ALMS1: variants seen among roughly 807,000 people sequenced by gnomAD.
ALMS1 encodes the protein ALMS1 centrosome and basal body associated protein.
A neutral mutation model predicts 352.2 loss-of-function variants in ALMS1; 271 were observed. The observed-to-expected ratio is 0.77, with a 90% CI of 0.70 to 0.85. ALMS1 has a LOEUF of 0.85. ALMS1 is among the 40% of genes least tolerant of loss of function. The pLI, the probability that ALMS1 is intolerant of heterozygous loss-of-function variation, is 0.00. For synonymous variants in ALMS1, 1,865 were observed against 1,761.2 expected, an observed-to-expected ratio of 1.06 and a Z score of -1.48; for missense variants, 5,445 against 4,870.7, an observed-to-expected ratio of 1.12 and a Z score of -3.51.
At chr2:73,581,271 A>G (rs1464646222) in intron 16 of ALMS1, among the ~76,000 whole-genome samples, 2 of 152,202 alleles carry the variant, frequency 1.3e-5, no homozygotes, top group Non-Finnish European at 2.9e-5. Context: ...CTTCCCCTAT[A>G]AAACTACTTT....
chr2:73,404,522 G>A (rs1228165489), intron 1 of ALMS1, among the ~76,000 whole-genome samples: 2 of 151,252 alleles, frequency 1.3e-5, no homozygotes, highest in Non-Finnish European at 2.9e-5. Context: ...GTGCTATTTC[G>A]GTTTCATTTG....
At chr2:73,508,399 G>T (rs1049749873) in intron 10 of ALMS1, among the ~76,000 whole-genome samples, 6 of 151,662 alleles carry the variant, frequency 4.0e-5, no homozygotes, top group Non-Finnish European at 7.4e-5. Flanking sequence ...TAGAGACAGG[G>T]TTTCACTGTG....
At position 73,602,375 on chromosome 2, in the gene ALMS1, C is replaced by G. The variant is rs1252100215; in HGVS notation, c.12298+7C>G. 6 of 1,614,034 alleles carry G rather than the reference C, an allele frequency of 3.7e-6. No homozygotes were observed. Among genetic ancestry groups the G allele is most frequent in the Non-Finnish European group, 5.1e-6 (6 of 1,179,974 alleles). ...TGCCCGCTGCCCAAGAGAGGTACGC[C>G]CTGCCCGTTCACTTTCCTGTGAGTG... On this transcript the variant is annotated splice_region_variant and intron_variant, in intron 20 of 22. Coordinates refer to ENST00000613296, the MANE Select transcript of ALMS1 (RefSeq NM_001378454.1).
At chr2:73,575,203 T>G (rs1227034274) in intron 16 of ALMS1, among the ~76,000 whole-genome samples, 1 of 152,218 alleles carries the variant, frequency 6.6e-6, no homozygotes, top group Non-Finnish European at 1.5e-5. Context: ...TTTTGGTTAT[T>G]GTGAATAGAA....
intron 10 of ALMS1, among the ~76,000 whole-genome samples, chr2:73,494,767 A>C (rs908709461): frequency 2.0e-5 from 3 of 152,218 alleles, no homozygotes; most frequent in Non-Finnish European, 4.4e-5. Context: ...TCACTTGGCT[A>C]AAGTGGTATC....
intron 16 of ALMS1, among the ~76,000 whole-genome samples, chr2:73,596,723 G>A (rs1398126499): frequency 2.0e-5 from 3 of 151,940 alleles, no homozygotes; most frequent in Non-Finnish European, 4.4e-5. Flanking sequence ...GCCTGCCTTG[G>A]CCTCCCAAAG....
rs1159133494 is a variant in ALMS1, at chr2:73,448,580, G to A, written c.2053G>A (p.Asp685Asn). The change falls in exon 8 of 23, where the codon GAT (aspartate) becomes AAT (asparagine). Residue 685 changes from aspartate (D) to asparagine (N), a missense_variant. Transcript: ENST00000613296. Reference protein sequence around the residue: ...LLFFYRQTLPDGHLTDQALKV... With the variant: ...LLFFYRQTLPNGHLTDQALKV... ...CTTTTTCTATCGACAGACCTTGCCA[G>A]ATGGTCATCTAACTGATCAGGCTCT... 5 of 1,613,936 alleles carry A rather than the reference G, an allele frequency of 3.1e-6. No individual in the cohort carries two copies. The highest frequency in any genetic ancestry group is 8.5e-7 in the Non-Finnish European group (1 of 1,179,958).
At chr2:73,390,242 A>C (rs370285060) in intron 1 of ALMS1, among the ~76,000 whole-genome samples, 7 of 152,294 alleles carry the variant, frequency 4.6e-5, no homozygotes, top group Admixed American at 6.5e-5. Flanking sequence ...ATAGGTTGGA[A>C]AGTGTTTAAG....
intron 12 of ALMS1, among the ~76,000 whole-genome samples, chr2:73,547,851 C>A (rs187556216): frequency 6.6e-6 from 1 of 152,002 alleles, no homozygotes; most frequent in Non-Finnish European, 1.5e-5. Flanking sequence ...TTAGACAGTA[C>A]CAGAGATGGT....
intron 9 of ALMS1, among the ~76,000 whole-genome samples, chr2:73,464,514 C>G (rs1158545662): frequency 6.6e-6 from 1 of 152,204 alleles, no homozygotes; most frequent in African/African-American, 2.4e-5. Flanking sequence ...AAACTGGAAG[C>G]ATTCCCTTTG....
At chr2:73,546,453 A>G (rs1212902900) in intron 12 of ALMS1, among the ~76,000 whole-genome samples, 2 of 152,214 alleles carry the variant, frequency 1.3e-5, no homozygotes, top group African/African-American at 4.8e-5. Context: ...ACGCAGATAC[A>G]CTGTGGTAGG....
intron 1 of ALMS1, among the ~76,000 whole-genome samples, chr2:73,404,039 A>G (rs1670925037): frequency 6.6e-6 from 1 of 152,140 alleles, no homozygotes; most frequent in Non-Finnish European, 1.5e-5. Flanking sequence ...AGCTAGGACT[A>G]CAGGCGCGCT....
At chr2:73,463,757 A>C (rs1309907579) in intron 9 of ALMS1, among the ~76,000 whole-genome samples, 1 of 141,780 alleles carries the variant, frequency 7.1e-6, no homozygotes, top group Non-Finnish European at 1.5e-5. Flanking sequence ...AAAATGATAA[A>C]GGGGATATCA....
chr2:73,564,848 TG>T, intron 15 of ALMS1, among the ~76,000 whole-genome samples: 1 of 152,322 alleles, frequency 6.6e-6, no homozygotes, highest in East Asian at 1.9e-4. Context: ...ATAATGAGTT[TG>T]GGGAAAGAAG....
At chr2:73,523,248 C>G (rs1165610924) in intron 11 of ALMS1, among the ~76,000 whole-genome samples, 1 of 152,132 alleles carries the variant, frequency 6.6e-6, no homozygotes, top group Non-Finnish European at 1.5e-5. Flanking sequence ...AGCTTGCTCA[C>G]TTTATTTATT....
rs190077401 is a variant in ALMS1, at chr2:73,542,614, C to T, written c.9908-7653C>T. 6.6e-4 allele frequency among the ~76,000 whole-genome samples: 100 copies of T among 152,114 alleles called. 1 individual carries two copies. Among genetic ancestry groups the T allele is most frequent in the African/African-American group, 2.4e-3 (98 of 41,466 alleles). On this transcript the variant is annotated intron_variant, in intron 12 of 22. Transcript: ENST00000613296. ...TGACATGATTGTATATCTAGAAAACCCCATTGTCTCAGCCCAAAATCTCCT... is the reference window on the plus strand; with the variant it reads ...TGACATGATTGTATATCTAGAAAACTCCATTGTCTCAGCCCAAAATCTCCT...
At chr2:73,466,872 G>T (rs1389269044) in intron 9 of ALMS1, among the ~76,000 whole-genome samples, 2 of 152,070 alleles carry the variant, frequency 1.3e-5, no homozygotes, top group Non-Finnish European at 2.9e-5. Flanking sequence ...GTTAGAAGCT[G>T]CATAAATGGA....
chr2:73,569,283 G>A (rs1356608080), intron 15 of ALMS1, among the ~76,000 whole-genome samples: 1 of 151,784 alleles, frequency 6.6e-6, no homozygotes, highest in East Asian at 1.9e-4. Context: ...CCAAAGTGCT[G>A]GGATTACAGG....
At chr2:73,525,912 CT>C (rs1310991897) in intron 11 of ALMS1, among the ~76,000 whole-genome samples, 3 of 152,078 alleles carry the variant, frequency 2.0e-5, no homozygotes, top group African/African-American at 7.2e-5. Context: ...AGCTTGAGGT[CT>C]TAGATTTAAG....
Sources: gnomAD v4.1 joint callset for allele counts (sites outside exome capture counted in the v4.1 genomes callset) on GRCh38, gnomAD v4.1.1 for gene constraint, MANE v1.5 for transcripts, NCBI Gene and HGNC (gene_info 2026-07-23, HGNC 2026-07-21) for gene names.